Variants in NCAPD3 observed in about 807,000 individuals in gnomAD.
The protein encoded by NCAPD3 is condensin-2 complex subunit D3.
NCAPD3 carries 105 observed loss-of-function variants against 182.9 expected under a neutral mutation model. That is an observed-to-expected ratio of 0.57 (90% CI 0.49 to 0.68). The LOEUF is 0.68. NCAPD3 is among the 30% of genes least tolerant of loss of function. The pLI, the probability that NCAPD3 is intolerant of heterozygous loss-of-function variation, is 0.00. For synonymous variants in NCAPD3, 815 were observed against 679.9 expected (o/e 1.20, Z -3.09); for missense variants, 1,944 against 1,837.0 (o/e 1.06, Z -1.07).
intron 13 of NCAPD3, among the ~76,000 whole-genome samples, chr11:134,200,956 G>A (rs1944734955): frequency 6.6e-6 from 1 of 151,976 alleles, no homozygotes; most frequent in African/African-American, 2.4e-5. Context: ...CACGCTATAG[G>A]TGAAAGAAGT....
chr11:134,184,899 T>C lies in NCAPD3; in HGVS notation c.2335+4A>G. On this transcript the variant is annotated splice_donor_region_variant and intron_variant, in intron 18 of 34. Transcript: ENST00000534548. ...TCACATAAGATTCTCCAGCAGACAC[T>C]CACCAGTCACTTTGTCCCGGGTGCT... 1 of 1,600,536 alleles carries C rather than the reference T, an allele frequency of 6.2e-7. No individual in the cohort carries two copies. The highest frequency in any genetic ancestry group is 8.6e-7 in the Non-Finnish European group (1 of 1,168,688).
At chr11:134,186,987 ATGTT>A (rs1384507734) in intron 16 of NCAPD3, among the ~76,000 whole-genome samples, 3 of 152,178 alleles carry the variant, frequency 2.0e-5, no homozygotes, top group Non-Finnish European at 2.9e-5. Flanking sequence ...ATATTAAGTA[ATGTT>A]TATTATATGT....
rs1938201377 is a variant in NCAPD3, at chr11:134,220,814, G to A, written c.65-88C>T. 1.7e-5 allele frequency: 22 copies of A among 1,320,056 alleles called. No homozygotes were observed. The Admixed American group carries it at 4.5e-4, about 27-fold the overall frequency. 81.8% of individuals were successfully genotyped at this position (1,320,056 alleles called of 1,614,324 possible). A position where few individuals can be genotyped will look rare whatever the true frequency, so the allele number is the denominator to read the frequency against. On this transcript the variant is annotated intron_variant, in intron 1 of 34. Coordinates refer to ENST00000534548, the MANE Select transcript of NCAPD3 (RefSeq NM_015261.3). Reference sequence around the variant, plus strand: ...TAGATTCCAGGTGTGTTCAAGAGGAGAAAAGTTTACTAGTCACGATTCACA... The same window carrying A: ...TAGATTCCAGGTGTGTTCAAGAGGAAAAAAGTTTACTAGTCACGATTCACA...
intron 28 of NCAPD3, among the ~76,000 whole-genome samples, chr11:134,161,072 T>C (rs1351726882): frequency 6.6e-6 from 1 of 152,276 alleles, no homozygotes; most frequent in Admixed American, 6.5e-5. Context: ...AAAAGCTATT[T>C]GAAAATTTAT....
At position 134,204,090 on chromosome 11, in the gene NCAPD3, C is replaced by T. The variant is rs768779159; in HGVS notation, c.1171G>A (p.Ala391Thr). 4.2e-5 allele frequency: 67 copies of T among 1,613,972 alleles called. No individual in the cohort carries two copies. Among genetic ancestry groups the T allele is most frequent in the Admixed American group, 6.7e-5 (4 of 59,988 alleles). The change falls in exon 10 of 35, where the codon GCT becomes ACT. Residue 391 changes from alanine (A) to threonine (T), a missense_variant. By Grantham distance (58) the Ala-to-Thr change is moderately conservative. Around this residue, in one of 3 missense-constraint regions of NCAPD3, gnomAD observed 1,803 missense variants for 1,674.6 expected, o/e 1.08. Transcript: ENST00000534548. This position sits in a 1 kb window ranked among gnomAD's most constrained non-coding sequence, Gnocchi z 4.3. Reference protein sequence around the residue: ...LLSKLPCGEYAMFIAWLYKYS... With the variant: ...LLSKLPCGEYTMFIAWLYKYS... ...TTGTAAAGCCAGGCAATGAACATAG[C>T]GTATTCCCCACAAGGAAGTTTACTG...
intron 27 of NCAPD3, among the ~76,000 whole-genome samples, chr11:134,164,183 C>T (rs1387388661): frequency 6.6e-6 from 1 of 152,198 alleles, no homozygotes; most frequent in Non-Finnish European, 1.5e-5. Flanking sequence ...CAGCCAAGCT[C>T]TGCCCCAGTC....
At chr11:134,159,135 A>T (rs1943509054) in intron 29 of NCAPD3, among the ~76,000 whole-genome samples, 1 of 152,214 alleles carries the variant, frequency 6.6e-6, no homozygotes, top group African/African-American at 2.4e-5. Flanking sequence ...GAGTGCAGGT[A>T]TGTCTTCGAC....
At chr11:134,176,856 T>C (rs1181415461) in intron 23 of NCAPD3, among the ~76,000 whole-genome samples, 1 of 152,166 alleles carries the variant, frequency 6.6e-6, no homozygotes, top group East Asian at 1.9e-4. Flanking sequence ...TGATCCCCAT[T>C]TGACGAAGGA....
intron 28 of NCAPD3, 102 bp downstream of exon 28, chr11:134,161,679 T>A (rs1943584248): frequency 1.4e-6 from 1 of 729,026 alleles, no homozygotes; most frequent in Non-Finnish European, 2.3e-6. Context: ...GAATTTGGGG[T>A]TCTAATCATT....
At chr11:134,167,686 G>A (rs572558853) in intron 27 of NCAPD3, among the ~76,000 whole-genome samples, 16 of 138,940 alleles carry the variant, frequency 1.2e-4, no homozygotes, top group African/African-American at 4.3e-4. Flanking sequence ...TGAGCTTGGG[G>A]GAGGGGCACA....
chr11:134,163,709 A>AG (rs1402919979), intron 27 of NCAPD3, among the ~76,000 whole-genome samples: 1 of 149,676 alleles, frequency 6.7e-6, no homozygotes, highest in African/African-American at 2.5e-5. Context: ...TCAAAAAAAA[A>AG]AAAAAAAAAA....
intron 27 of NCAPD3, among the ~76,000 whole-genome samples, chr11:134,163,614 G>A (rs1943657466): frequency 2.0e-5 from 3 of 151,604 alleles, no homozygotes; most frequent in African/African-American, 4.8e-5. Flanking sequence ...GCAGGAGAAT[G>A]GCATGAACCC....
At position 134,150,839 on chromosome 11, in the gene NCAPD3, C is replaced by G. The variant is rs1298578277; in HGVS notation, c.*2105G>C. On this transcript the variant is annotated 3_prime_UTR_variant, in exon 35 of 35. Coordinates refer to ENST00000534548, the MANE Select transcript of NCAPD3 (RefSeq NM_015261.3). ...AAACCATGATGGAGTGGCGGCCAGTCCAGCCTTTTAAAGAACGTCAGGTGG... is the reference window on the plus strand; with the variant it reads ...AAACCATGATGGAGTGGCGGCCAGTGCAGCCTTTTAAAGAACGTCAGGTGG... The G allele has an allele frequency of 1.3e-5, 2 of 152,130 alleles. No homozygotes were observed. The highest frequency in any genetic ancestry group is 2.9e-5 in the Non-Finnish European group (2 of 68,024). 9.4% of individuals were successfully genotyped at this position (152,130 alleles called of 1,614,324 possible).
chr11:134,159,588 G>A (rs1021040629), intron 29 of NCAPD3, among the ~76,000 whole-genome samples: 35 of 152,216 alleles, frequency 2.3e-4, no homozygotes, highest in Admixed American at 7.2e-4. Flanking sequence ...TCTAAAGAGG[G>A]AGTGCTGGGG....
chr11:134,186,380 C>T (rs1442755650), intron 16 of NCAPD3, among the ~76,000 whole-genome samples: 2 of 151,886 alleles, frequency 1.3e-5, no homozygotes, highest in African/African-American at 4.8e-5. Context: ...CTCTCTCTCT[C>T]TTTGTCTGTC....
intron 13 of NCAPD3, among the ~76,000 whole-genome samples, chr11:134,199,782 G>A (rs1415690741): frequency 7.9e-5 from 12 of 152,254 alleles, no homozygotes; most frequent in South Asian, 6.2e-4. Context: ...GATCCATCCC[G>A]AGGAAGAACT....
At chr11:134,224,365 C>A, upstream of NCAPD3, 2 of 232,682 alleles carry the variant, frequency 8.6e-6, no homozygotes, top group South Asian at 5.2e-5. Flanking sequence ...GCGTAATATC[C>A]GAATGTGAAA....
intron 8 of NCAPD3, 144 bp downstream of exon 8, chr11:134,206,455 T>C: frequency 1.9e-6 from 2 of 1,028,436 alleles, no homozygotes; most frequent in Admixed American, 2.3e-5. Flanking sequence ...ATAAAGCACA[T>C]TAGCTACGAA....
Position 134,169,171 on chromosome 11 carries a change from A to T in NCAPD3, c.3102-117T>A, listed in dbSNP as rs147269193. ...CTGTACATAAGCGTAGGGATTCAAA[A>T]TCTATCCCAATAAACAGTTCCCTCG... On this transcript the variant is annotated intron_variant, in intron 24 of 34. Transcript: ENST00000534548. 1.2e-5 allele frequency: 12 copies of T among 1,012,828 alleles called. No individual in the cohort carries two copies. The African/African-American group carries it at 1.8e-4, about 15-fold the overall frequency. 62.7% of individuals were successfully genotyped at this position (1,012,828 alleles called of 1,614,324 possible). A position where few individuals can be genotyped will look rare whatever the true frequency, so the allele number is the denominator to read the frequency against.
Sources: allele counts gnomAD v4.1 joint callset (sites outside exome capture counted in the v4.1 genomes callset), GRCh38; gene constraint gnomAD v4.1.1; regional missense constraint gnomAD v4.1.1; non-coding constraint Gnocchi (gnomAD v3.1); transcripts MANE v1.5; gene names NCBI Gene and HGNC (gene_info 2026-07-23, HGNC 2026-07-21).